The following FRMPD2 variants were observed in gnomAD, a reference collection of about 807,000 sequenced individuals.
The protein encoded by FRMPD2 is FERM and PDZ domain-containing protein 2.
In FRMPD2, 96 loss-of-function variants were observed where a neutral mutation model predicts 140.1. The observed-to-expected ratio is 0.69, with a 90% CI of 0.58 to 0.81. FRMPD2 has a LOEUF of 0.81. Among genes scored for constraint, FRMPD2 ranks in the 40% least tolerant of loss-of-function variants. The pLI is 0.00. For missense variants in FRMPD2, 1,240 were observed against 1,447.4 expected (o/e 0.86, Z 2.32); for synonymous variants, 449 against 547.6 (o/e 0.82, Z 2.52).
intron 15 of FRMPD2, among the ~76,000 whole-genome samples, chr10:48,196,960 A>G (rs1397647700): frequency 2.0e-5 from 3 of 152,194 alleles, no homozygotes; most frequent in African/African-American, 7.2e-5. Flanking sequence ...AATAAAAGCA[A>G]TATCAATGGT....
intron 16 of FRMPD2, among the ~76,000 whole-genome samples, chr10:48,191,090 T>A (rs1838820092): frequency 6.6e-6 from 1 of 152,226 alleles, no homozygotes; most frequent in Non-Finnish European, 1.5e-5. Context: ...ATGGCAGGAC[T>A]GACACCAGGC....
intron 2 of FRMPD2, among the ~76,000 whole-genome samples, chr10:48,250,170 C>T (rs564704787): frequency 6.6e-6 from 1 of 152,314 alleles, no homozygotes; most frequent in South Asian, 2.1e-4. Flanking sequence ...TCGCCCCAAC[C>T]CCCACCTGCA....
chr10:48,179,362 C>T (rs1378803909), intron 21 of FRMPD2, among the ~76,000 whole-genome samples: 2 of 148,174 alleles, frequency 1.3e-5, no homozygotes, highest in Admixed American at 1.3e-4. Context: ...GGGCACAAGA[C>T]CCTCAAGTGA....
chr10:48,260,461 A>G (rs913687814), intron 1 of FRMPD2, among the ~76,000 whole-genome samples: 1 of 152,172 alleles, frequency 6.6e-6, no homozygotes, highest in African/African-American at 2.4e-5. Context: ...CTTTTGTTCT[A>G]TTACAGCCCT....
At chr10:48,248,025 C>T (rs386570) in intron 3 of FRMPD2, among the ~76,000 whole-genome samples, 14,207 of 152,174 alleles carry the variant, frequency 0.093, 2,171 homozygotes, top group African/African-American at 0.32. Context: ...ACATGTGGAC[C>T]CAGACAAACC....
At chr10:48,181,921 C>T (rs1588810503) in intron 20 of FRMPD2, among the ~76,000 whole-genome samples, 2 of 144,926 alleles carry the variant, frequency 1.4e-5, no homozygotes, top group African/African-American at 5.1e-5. Context: ...CAGACACGCA[C>T]AGCTTAGTAC....
Position 48,244,782 on chromosome 10 carries a change from A to G in FRMPD2, c.375+2T>C, listed in dbSNP as rs757791043. 2.6e-5 allele frequency: 42 copies of G among 1,611,640 alleles called. No homozygotes were observed. Among genetic ancestry groups the G allele is most frequent in the Non-Finnish European group, 3.6e-5 (42 of 1,177,806 alleles). On this transcript the variant is annotated splice_donor_variant, in intron 4 of 28. Transcript: ENST00000374201. LOFTEE classifies it high-confidence loss of function. Reference sequence around the variant, plus strand: ...AAGACTTGGAGTATCTTGTTTACAAACCTGATGTGGCGGAACATGAAACCC... The same window carrying G: ...AAGACTTGGAGTATCTTGTTTACAAGCCTGATGTGGCGGAACATGAAACCC...
chr10:48,207,346 C>A (rs189513689), intron 13 of FRMPD2, among the ~76,000 whole-genome samples: 3 of 152,236 alleles, frequency 2.0e-5, no homozygotes, highest in African/African-American at 7.2e-5. Context: ...CTGTTCCAAT[C>A]CCTTTACGTG....
chr10:48,271,133 A>T (rs1840759196), intron 1 of FRMPD2, among the ~76,000 whole-genome samples: 3 of 152,056 alleles, frequency 2.0e-5, no homozygotes. Flanking sequence ...ACCGCTTTGG[A>T]CTGATCTCTA....
chr10:48,196,401 A>G (rs1838950987), intron 15 of FRMPD2, among the ~76,000 whole-genome samples: 3 of 152,242 alleles, frequency 2.0e-5, no homozygotes, highest in Admixed American at 2.0e-4. Flanking sequence ...CCAGGACAAG[A>G]GTACCAGCAG....
rs1188171060 is a variant in FRMPD2, at chr10:48,240,360, C to T, written c.700G>A (p.Val234Ile). The T allele has an allele frequency of 1.2e-6, 2 of 1,611,494 alleles. No homozygotes were observed. The highest frequency in any genetic ancestry group is 1.1e-5 in the South Asian group (1 of 91,062). The change falls in exon 6 of 29, where the codon GTT becomes ATT. Residue 234 changes from valine to isoleucine, a missense_variant and splice_region_variant. Val to Ile is a conservative substitution (Grantham distance 29). Coordinates refer to ENST00000374201, the MANE Select transcript of FRMPD2 (RefSeq NM_001018071.4). ...QAPECLHPCR[V>I]SERSTETQSS... ...GGGACTGCTTAGGGCACGTACCCAC[C>T]TCTGCAAGGATGCAGACACTCCGGG... is the stretch of plus-strand genomic sequence containing the variant.
At chr10:48,201,814 TATA>T (rs1418862537) in intron 14 of FRMPD2, among the ~76,000 whole-genome samples, 3 of 152,208 alleles carry the variant, frequency 2.0e-5, no homozygotes, top group Admixed American at 1.3e-4. Flanking sequence ...ACCTGTGTGT[TATA>T]ATATTTCTGG....
chr10:48,250,493 C>T (rs1652243), intron 2 of FRMPD2, among the ~76,000 whole-genome samples: 13,947 of 151,972 alleles, frequency 0.092, 2,106 homozygotes, highest in African/African-American at 0.32. Flanking sequence ...CTCTGCCTCC[C>T]GGGTTCAAGT....
chr10:48,240,124 C>G (rs769063960), intron 6 of FRMPD2, among the ~76,000 whole-genome samples: 9 of 152,270 alleles, frequency 5.9e-5, no homozygotes, highest in South Asian at 4.1e-4. Flanking sequence ...AGTTAGAACT[C>G]ATTTTTAAAG....
intron 5 of FRMPD2, among the ~76,000 whole-genome samples, chr10:48,240,943 G>A (rs749771178): frequency 5.9e-5 from 9 of 152,176 alleles, no homozygotes; most frequent in African/African-American, 1.4e-4. Flanking sequence ...ATGCACCACC[G>A]TAGCACACCT....
intron 1 of FRMPD2, among the ~76,000 whole-genome samples, chr10:48,256,527 T>C (rs1791029396): frequency 6.6e-6 from 1 of 152,214 alleles, no homozygotes; most frequent in South Asian, 2.1e-4. Flanking sequence ...CCATGACCTC[T>C]GGCCTTCATC....
chr10:48,236,228 T>C (rs1473217277), intron 9 of FRMPD2, among the ~76,000 whole-genome samples: 1 of 152,170 alleles, frequency 6.6e-6, no homozygotes, highest in Non-Finnish European at 1.5e-5. Flanking sequence ...ACCTGGTAGA[T>C]GTTTCACAGC....
intron 1 of FRMPD2, among the ~76,000 whole-genome samples, chr10:48,271,226 G>A (rs2131992637): frequency 6.6e-6 from 1 of 152,220 alleles, no homozygotes; most frequent in East Asian, 1.9e-4. Context: ...TGCAGGCTCT[G>A]TGGGGACACT....
At chr10:48,212,183 T>C in intron 12 of FRMPD2, 74 bp from the exon 13 acceptor site, 2 of 1,459,122 alleles carry the variant, frequency 1.4e-6, no homozygotes, top group Non-Finnish European at 1.9e-6. Context: ...ATGAAAACAT[T>C]ATCTGTAGTC....
Sources: allele counts gnomAD v4.1 joint callset (sites outside exome capture counted in the v4.1 genomes callset), GRCh38; gene constraint gnomAD v4.1.1; transcripts MANE v1.5; gene names NCBI Gene and HGNC (gene_info 2026-07-23, HGNC 2026-07-21).